Variants in CPED1 observed in about 807,000 individuals in gnomAD.
CPED1 encodes the protein cadherin-like and PC-esterase domain-containing protein 1.
CPED1 carries 114 observed loss-of-function variants against 128.2 expected under a neutral mutation model. The observed-to-expected ratio is 0.89, with a 90% CI of 0.76 to 1.04. The LOEUF is 1.04. CPED1 is among the 50% of genes least tolerant of loss of function. The pLI, the probability that CPED1 is intolerant of heterozygous loss-of-function variation, is 0.00. For missense variants in CPED1, 1,211 were observed against 1,207.1 expected (o/e 1.00, Z -0.05); for synonymous variants, 462 against 426.7 (o/e 1.08, Z -1.02).
At chr7:121,265,041 TA>T (rs1297983189) in intron 18 of CPED1, among the ~76,000 whole-genome samples, 1 of 152,018 alleles carries the variant, frequency 6.6e-6, no homozygotes, top group African/African-American at 2.4e-5. Flanking sequence ...TAATTGTGGC[TA>T]GGGGCACTGG....
chr7:121,134,120 A>G (rs1795735320), intron 13 of CPED1, among the ~76,000 whole-genome samples: 1 of 152,050 alleles, frequency 6.6e-6, no homozygotes, highest in South Asian at 2.1e-4. Context: ...TGTTGAAGAG[A>G]TATTTGTACT....
At chr7:121,256,923 C>G (rs897910747) in intron 18 of CPED1, among the ~76,000 whole-genome samples, 3 of 151,978 alleles carry the variant, frequency 2.0e-5, no homozygotes, top group African/African-American at 7.2e-5. Context: ...TTTGCAGAAA[C>G]ATGAATGCAG....
intron 16 of CPED1, among the ~76,000 whole-genome samples, chr7:121,228,658 G>A (rs929710002): frequency 4.3e-4 from 64 of 149,984 alleles, no homozygotes; most frequent in Non-Finnish European, 8.1e-4. Context: ...CTAACCAGAA[G>A]AAAAAACATC....
At chr7:121,118,483 C>A (rs1466134481) in intron 7 of CPED1, among the ~76,000 whole-genome samples, 1 of 150,672 alleles carries the variant, frequency 6.6e-6, no homozygotes, top group African/African-American at 2.4e-5. Flanking sequence ...TCACTTGAAC[C>A]AGGGAGTCAG....
chr7:121,278,561 A>G (rs1053157221), intron 22 of CPED1, among the ~76,000 whole-genome samples: 1 of 152,136 alleles, frequency 6.6e-6, no homozygotes, highest in East Asian at 1.9e-4. Context: ...TTTTTTAGAA[A>G]TGTAGTTTCA....
chr7:121,009,812 A>T (rs1347262001), intron 2 of CPED1, among the ~76,000 whole-genome samples: 1 of 152,170 alleles, frequency 6.6e-6, no homozygotes, highest in African/African-American at 2.4e-5. Context: ...AACGAAGTGG[A>T]GGAGAGTCAC....
intron 16 of CPED1, among the ~76,000 whole-genome samples, chr7:121,161,011 A>C (rs537747093): frequency 6.6e-6 from 1 of 152,238 alleles, no homozygotes; most frequent in Non-Finnish European, 1.5e-5. Context: ...CAAAAGGAAA[A>C]AATTTAGGAA....
At chr7:121,173,309 T>C (rs1243474673) in intron 16 of CPED1, among the ~76,000 whole-genome samples, 1 of 152,092 alleles carries the variant, frequency 6.6e-6, no homozygotes, top group Non-Finnish European at 1.5e-5. Context: ...CATAGGTAAA[T>C]TTGTGTCACA....
intron 22 of CPED1, among the ~76,000 whole-genome samples, chr7:121,279,534 TAGC>T (rs1396441307): frequency 1.1e-4 from 16 of 152,120 alleles, no homozygotes; most frequent in African/African-American, 3.9e-4. Context: ...AAGTTTGACT[TAGC>T]AGGCAAAATA....
chr7:121,014,313 G>C (rs1792241230), intron 2 of CPED1, among the ~76,000 whole-genome samples: 1 of 152,184 alleles, frequency 6.6e-6, no homozygotes, highest in Non-Finnish European at 1.5e-5. Context: ...AGCACTTCGG[G>C]AGGCCGAGGT....
At chr7:121,186,632 T>C (rs1260870110) in intron 16 of CPED1, among the ~76,000 whole-genome samples, 1 of 152,168 alleles carries the variant, frequency 6.6e-6, no homozygotes, top group East Asian at 1.9e-4. Context: ...GAAAGTCTTT[T>C]GTGAGACCCT....
At chr7:121,175,089 G>A (rs994122712) in intron 16 of CPED1, among the ~76,000 whole-genome samples, 2 of 152,124 alleles carry the variant, frequency 1.3e-5, no homozygotes, top group Non-Finnish European at 2.9e-5. Context: ...AGACTTTGTT[G>A]AAGTTGTTTA....
chr7:121,172,598 A>G (rs1452303683), intron 16 of CPED1, among the ~76,000 whole-genome samples: 2 of 152,162 alleles, frequency 1.3e-5, no homozygotes, highest in Admixed American at 1.3e-4. Flanking sequence ...AAGACCTGAC[A>G]TAAGTGGATG....
At chr7:121,192,997 A>G (rs1175694070) in intron 16 of CPED1, among the ~76,000 whole-genome samples, 1 of 152,214 alleles carries the variant, frequency 6.6e-6, no homozygotes, top group Non-Finnish European at 1.5e-5. Context: ...TTCAAAACCT[A>G]GATCAGGTTT....
intron 22 of CPED1, among the ~76,000 whole-genome samples, chr7:121,287,111 C>T (rs570845415): frequency 1.3e-5 from 2 of 152,298 alleles, no homozygotes; most frequent in East Asian, 1.9e-4. Flanking sequence ...TCCCTTGACA[C>T]GTGGAGATTA....
chr7:121,046,060 G>A (rs1431671550), intron 3 of CPED1, among the ~76,000 whole-genome samples: 1 of 151,772 alleles, frequency 6.6e-6, no homozygotes. Context: ...TAGATATATA[G>A]CAATATATAT....
chr7:121,276,020 C>A (rs916140284), intron 22 of CPED1, among the ~76,000 whole-genome samples: 20 of 150,744 alleles, frequency 1.3e-4, no homozygotes, highest in African/African-American at 4.9e-4. Flanking sequence ...ATAGAAGAAC[C>A]CAGAATTTAA....
chr7:121,222,132 A>G lies in CPED1; in HGVS notation c.2056-14582A>G, dbSNP rs567939186. Among the ~76,000 whole-genome samples the G allele has an allele frequency of 3.9e-5, 6 of 152,300 alleles. No individual in the cohort carries two copies. The South Asian group carries it at 6.2e-4, about 16-fold the overall frequency. ...TAATCTGTCTTGAATTAATTTTTGT[A>G]TAAGGTGTAAGGAAGGGATCCAGTT... On this transcript the variant is annotated intron_variant, in intron 16 of 22. Coordinates refer to ENST00000310396, the MANE Select transcript of CPED1 (RefSeq NM_024913.5).
chr7:121,182,200 C>CTTT lies in CPED1; in HGVS notation c.2055+40073_2055+40075dup, dbSNP rs3068074. On this transcript the variant is annotated intron_variant, in intron 16 of 22. Transcript: ENST00000310396. Reference sequence around the variant, plus strand: ...GCTAAATACTTCAATTCGATGAGAGCTTTTTTTTTTTTTTTTAGTTTTAAT... The same window carrying CTTT: ...GCTAAATACTTCAATTCGATGAGAGCTTTTTTTTTTTTTTTTTTTAGTTTTAAT... Among the ~76,000 whole-genome samples the CTTT allele has an allele frequency of 1.6e-3, 220 of 140,046 alleles. 1 individual carries two copies. Among genetic ancestry groups the CTTT allele is most frequent in the South Asian group, 8.7e-3 (38 of 4,356 alleles). The allele number at this position is 140,046 out of a possible 152,430, so 91.9% of individuals were successfully genotyped here.
Sources: gnomAD v4.1 joint callset for allele counts (sites outside exome capture counted in the v4.1 genomes callset) on GRCh38, gnomAD v4.1.1 for gene constraint, MANE v1.5 for transcripts, NCBI Gene and HGNC (gene_info 2026-07-23, HGNC 2026-07-21) for gene names.